Variants in ITFG1 observed in about 807,000 individuals in gnomAD.
ITFG1 encodes integrin alpha FG-GAP repeat containing 1.
In ITFG1, 34 loss-of-function variants were observed where a neutral mutation model predicts 81.8. The observed-to-expected ratio is 0.42, with a 90% CI of 0.32 to 0.55. The LOEUF (loss-of-function observed/expected upper bound fraction) is 0.55. ITFG1 is among the 20% of genes least tolerant of loss of function. The pLI, the probability that ITFG1 is intolerant of heterozygous loss-of-function variation, is 0.17. For missense variants in ITFG1, 672 were observed against 755.4 expected (o/e 0.89, Z 1.29); for synonymous variants, 285 against 270.6 (o/e 1.05, Z -0.52).
At chr16:47,223,356 C>G (rs1182951148) in intron 13 of ITFG1, among the ~76,000 whole-genome samples, 1 of 152,136 alleles carries the variant, frequency 6.6e-6, no homozygotes, top group Non-Finnish European at 1.5e-5. Context: ...GGCTAATATC[C>G]AGAATCTACA....
At chr16:47,274,091 T>C (rs1966372314) in intron 10 of ITFG1, among the ~76,000 whole-genome samples, 1 of 152,110 alleles carries the variant, frequency 6.6e-6, no homozygotes, top group Non-Finnish European at 1.5e-5. Flanking sequence ...ACCCCATCTC[T>C]ACTAAAAATA....
chr16:47,379,688 C>CA (rs796178640), intron 6 of ITFG1, among the ~76,000 whole-genome samples: 1,489 of 73,796 alleles, frequency 0.02, 18 homozygotes, highest in African/African-American at 0.051. Flanking sequence ...TATTCCATCT[C>CA]AAAAAAAAAA....
At chr16:47,285,496 C>G (rs1032881023) in intron 10 of ITFG1, among the ~76,000 whole-genome samples, 1 of 152,186 alleles carries the variant, frequency 6.6e-6, no homozygotes, top group African/African-American at 2.4e-5. Context: ...CCCAACCTGA[C>G]GCTGGTTGGA....
intron 6 of ITFG1, among the ~76,000 whole-genome samples, chr16:47,388,114 A>C: frequency 6.6e-6 from 1 of 152,190 alleles, no homozygotes. Context: ...CAGAAGAATT[A>C]GCAAACTTCA....
chr16:47,415,619 C>T (rs1243522791), intron 6 of ITFG1, among the ~76,000 whole-genome samples: 1 of 152,018 alleles, frequency 6.6e-6, no homozygotes, highest in Non-Finnish European at 1.5e-5. Context: ...AAAGGAATTC[C>T]ATTTCAATAA....
chr16:47,180,784 C>T (rs1965099447), intron 14 of ITFG1, among the ~76,000 whole-genome samples: 1 of 152,142 alleles, frequency 6.6e-6, no homozygotes. Context: ...GCCGAGATTG[C>T]AGCCTCTGCC....
intron 10 of ITFG1, among the ~76,000 whole-genome samples, chr16:47,275,756 T>A (rs1966391452): frequency 6.6e-6 from 1 of 152,132 alleles, no homozygotes; most frequent in Non-Finnish European, 1.5e-5. Flanking sequence ...ATTCTGCCAT[T>A]TTTAGACTGA....
intron 10 of ITFG1, among the ~76,000 whole-genome samples, chr16:47,309,727 T>C (rs1159061377): frequency 3.9e-5 from 6 of 152,216 alleles, no homozygotes; most frequent in Admixed American, 3.9e-4. Context: ...TTAGTACTTA[T>C]TTTTCCTGCA....
intron 7 of ITFG1, among the ~76,000 whole-genome samples, chr16:47,371,897 G>C (rs1252318954): frequency 2.0e-5 from 3 of 151,540 alleles, no homozygotes; most frequent in Admixed American, 2.0e-4. Context: ...CCAAGGATCT[G>C]GTTTTGCCAC....
chr16:47,221,288 C>A (rs1339160314), intron 13 of ITFG1, among the ~76,000 whole-genome samples: 1 of 152,076 alleles, frequency 6.6e-6, no homozygotes, highest in Admixed American at 6.5e-5. Context: ...GAGTTTTTAG[C>A]ATGAAGGGTT....
intron 8 of ITFG1, among the ~76,000 whole-genome samples, chr16:47,353,914 T>C (rs1968002565): frequency 6.6e-6 from 1 of 152,120 alleles, no homozygotes. Context: ...ATACCCTGTG[T>C]TCATGAATCG....
Position 47,311,391 on chromosome 16 carries a change from A to T in ITFG1, c.919T>A (p.Phe307Ile). 6.2e-7 allele frequency: 1 copy of T among 1,613,058 alleles called. No individual in the cohort carries two copies. The highest frequency in any genetic ancestry group is 2.2e-5 in the East Asian group (1 of 44,800). The change falls in exon 10 of 18, where the codon TTC (phenylalanine) becomes ATC (isoleucine). Residue 307 changes from phenylalanine (F) to isoleucine (I), a missense_variant. Physicochemically the swap from Phe to Ile is conservative, Grantham distance 21. Around this residue, in one of 3 missense-constraint regions of ITFG1, gnomAD observed 560 missense variants for 625.7 expected, o/e 0.90. Transcript: ENST00000320640. Reference sequence around the variant, plus strand: ...CCCCAGAGTGTGCCCTTATTGCTGAAATCTTGTAGGACTGGAACCCACTAT... The same window carrying T: ...CCCCAGAGTGTGCCCTTATTGCTGATATCTTGTAGGACTGGAACCCACTAT... The part of the protein sequence containing the change: ...MKQWVPVLQD[F>I]SNKGTLWGFV...
chr16:47,225,888 C>T (rs192426101), intron 13 of ITFG1, among the ~76,000 whole-genome samples: 4 of 151,466 alleles, frequency 2.6e-5, no homozygotes, highest in Non-Finnish European at 5.9e-5. Flanking sequence ...AAGTATTCTG[C>T]GAAGACGAAG....
At chr16:47,371,976 C>T (rs373917111) in intron 7 of ITFG1, among the ~76,000 whole-genome samples, 80 of 150,780 alleles carry the variant, frequency 5.3e-4, no homozygotes, top group African/African-American at 1.8e-3. Flanking sequence ...TACAGTGGTG[C>T]GATCTCGGCT....
At chr16:47,461,116 G>C (rs1026332177), upstream of ITFG1, 22 of 1,384,502 alleles carry the variant, frequency 1.6e-5, no homozygotes, top group Non-Finnish European at 2.1e-5. Context: ...CCGCGTTACC[G>C]GCCGAGAGAG....
At chr16:47,307,558 C>T (rs952228982) in intron 10 of ITFG1, among the ~76,000 whole-genome samples, 2 of 152,128 alleles carry the variant, frequency 1.3e-5, no homozygotes, top group African/African-American at 2.4e-5. Flanking sequence ...GGCAAGCGAA[C>T]GTAGCAATAT....
chr16:47,289,733 C>CT (rs1285215477), intron 10 of ITFG1, among the ~76,000 whole-genome samples: 22 of 151,728 alleles, frequency 1.4e-4, no homozygotes, highest in African/African-American at 4.6e-4. Context: ...GGGGCCTTTC[C>CT]TCTTTTTTTT....
intron 16 of ITFG1, among the ~76,000 whole-genome samples, chr16:47,159,429 G>A (rs990035636): frequency 6.6e-6 from 1 of 152,090 alleles, no homozygotes; most frequent in African/African-American, 2.4e-5. Flanking sequence ...TTTTTGACCT[G>A]TGTCACATAT....
At chr16:47,277,671 C>T (rs1966412109) in intron 10 of ITFG1, among the ~76,000 whole-genome samples, 1 of 152,122 alleles carries the variant, frequency 6.6e-6, no homozygotes, top group African/African-American at 2.4e-5. Flanking sequence ...GAACTATTCA[C>T]GTTTGGCTAC....
Sources: gnomAD v4.1 joint callset for allele counts (sites outside exome capture counted in the v4.1 genomes callset) on GRCh38, gnomAD v4.1.1 for gene constraint, gnomAD v4.1.1 regional missense constraint, MANE v1.5 for transcripts, NCBI Gene and HGNC (gene_info 2026-07-23, HGNC 2026-07-21) for gene names.